Variants in RO60 observed in about 807,000 individuals in gnomAD.
The protein encoded by RO60 is Ro60, Y RNA binding protein.
In RO60, 20 loss-of-function variants were observed where a neutral mutation model predicts 55.3. The observed-to-expected ratio is 0.36, with a 90% confidence interval of 0.25 to 0.53. RO60 has a LOEUF of 0.53. RO60 is among the 20% of genes least tolerant of loss of function. RO60 has a pLI of 0.92. For synonymous variants in RO60, 213 were observed against 213.6 expected, an observed-to-expected ratio of 1.00 and a Z score of 0.02; for missense variants, 558 against 646.6, an observed-to-expected ratio of 0.86 and a Z score of 1.49.
At chr1:193,083,007 T>C (rs1442686547) in intron 8 of RO60, among the ~76,000 whole-genome samples, 1 of 152,132 alleles carries the variant, frequency 6.6e-6, no homozygotes, top group Admixed American at 6.6e-5. Context: ...TTCTCCAGCC[T>C]TGGCTTCCCA....
rs754456786 is a variant in RO60 at position 193,086,750 on chromosome 1, GA to G, written c.*2020del. On this transcript the variant is annotated 3_prime_UTR_variant, in exon 9 of 9. Transcript: ENST00000400968. ...TCCATCAAGGATACAAGATTGGATG[GA>G]TATGACCTTTCTGAAGTATTTAGGT... The G allele has an allele frequency of 6.6e-5, 10 of 152,060 alleles. No homozygotes were observed. The highest frequency in any genetic ancestry group is 1.3e-4 in the Admixed American group (2 of 15,260). 9.4% of individuals were successfully genotyped at this position (152,060 alleles called of 1,614,324 possible). A position where few individuals can be genotyped will look rare whatever the true frequency, so the allele number is the denominator to read the frequency against.
chr1:193,084,041 A>G (rs1674494674), intron 8 of RO60, among the ~76,000 whole-genome samples: 1 of 152,234 alleles, frequency 6.6e-6, no homozygotes, highest in Admixed American at 6.5e-5. Context: ...TTATTTAAAC[A>G]GTGCATTGTA....
intron 4 of RO60, 73 bp downstream of exon 4, chr1:193,076,720 C>T (rs1673946868): frequency 6.9e-7 from 1 of 1,443,412 alleles, no homozygotes; most frequent in Non-Finnish European, 9.4e-7. Flanking sequence ...GAAATGCCGT[C>T]AGTGCATTTT....
In RO60 at chr1:193,082,203, A is replaced by C. The variant is rs779259987; in HGVS notation, c.1221A>C (p.Glu407Asp). The change falls in exon 7 of 9, where the codon GAA (glutamate) becomes GAC (aspartate). Residue 407 changes from glutamate (E) to aspartate (D), a missense_variant. Coordinates refer to ENST00000400968, the MANE Select transcript of RO60 (RefSeq NM_001173524.2). ...TTTTTCAGGTTGTCACACGAACAGA[A>C]AAAGATTCTTATGTAGTTGCTTTTT... ...AAMCMVVTRT[E>D]KDSYVVAFSD... 6.2e-7 allele frequency: 1 copy of C among 1,612,716 alleles called. No homozygotes were observed. Among genetic ancestry groups the C allele is most frequent in the Admixed American group, 1.7e-5 (1 of 59,838 alleles).
chr1:193,080,075 G>A (rs966128580), intron 5 of RO60, among the ~76,000 whole-genome samples: 3 of 151,936 alleles, frequency 2.0e-5, no homozygotes, highest in Admixed American at 1.3e-4. Flanking sequence ...AGGTTACAGT[G>A]AGCTGAGATT....
rs772663581 is a variant in RO60, at chr1:193,082,208, A to T, written c.1226A>T (p.Asp409Val). ...CAGGTTGTCACACGAACAGAAAAAGATTCTTATGTAGTTGCTTTTTCCGAT... is the reference window on the plus strand; with the variant it reads ...CAGGTTGTCACACGAACAGAAAAAGTTTCTTATGTAGTTGCTTTTTCCGAT... ...MCMVVTRTEK[D>V]SYVVAFSDEM... Residue 409 changes from aspartate to valine, a missense_variant, in exon 7 of 9, where the codon GAT becomes GTT. Transcript: ENST00000400968. 1 of 1,612,552 alleles carries T rather than the reference A, an allele frequency of 6.2e-7. No individual in the cohort carries two copies. Among genetic ancestry groups the T allele is most frequent in the East Asian group, 2.2e-5 (1 of 44,756 alleles).
chr1:193,079,980 A>AT (rs1362561324), intron 5 of RO60, among the ~76,000 whole-genome samples: 3 of 150,848 alleles, frequency 2.0e-5, no homozygotes, highest in African/African-American at 7.3e-5. Flanking sequence ...AAAAAAAAAA[A>AT]ATTAGCTGAG....
At chr1:193,065,123 A>C (rs1258631742) in intron 1 of RO60, among the ~76,000 whole-genome samples, 1 of 152,332 alleles carries the variant, frequency 6.6e-6, no homozygotes, top group South Asian at 2.1e-4. Context: ...AAAATGTGTT[A>C]TGGGAAAGAG....
At chr1:193,084,346 CAAGTA>C (rs2103077781) in intron 8 of RO60, among the ~76,000 whole-genome samples, 1 of 152,240 alleles carries the variant, frequency 6.6e-6, no homozygotes, top group South Asian at 2.1e-4. Context: ...GCCCATAGAA[CAAGTA>C]AAGTAATTGA....
Position 193,059,858 on chromosome 1 carries a change from C to T in RO60, c.-22+82C>T. ...AAATTCTGACCAGTCCTCCATGTCT[C>T]TCACCCGCATCCCAGGGGTTGAGGC... On this transcript the variant is annotated intron_variant, in intron 1 of 8. Transcript: ENST00000400968. The surrounding 1 kb of genome is among the most constrained non-coding windows in gnomAD (Gnocchi z 4.9). The T allele has an allele frequency of 1.5e-6, 2 of 1,363,766 alleles. No homozygotes were observed. The highest frequency in any genetic ancestry group is 2.0e-6 in the Non-Finnish European group (2 of 1,020,682). 84.5% of individuals were successfully genotyped at this position (1,363,766 alleles called of 1,614,324 possible). A position where few individuals can be genotyped will look rare whatever the true frequency, so the allele number is the denominator to read the frequency against.
At chr1:193,072,744 G>T (rs182391679) in intron 2 of RO60, among the ~76,000 whole-genome samples, 1 of 152,118 alleles carries the variant, frequency 6.6e-6, no homozygotes, top group Non-Finnish European at 1.5e-5. Context: ...GAGAAAGACC[G>T]CCCATTACTA....
chr1:193,080,486 C>G (rs1327832212), intron 5 of RO60, among the ~76,000 whole-genome samples: 2 of 152,182 alleles, frequency 1.3e-5, no homozygotes, highest in African/African-American at 4.8e-5. Flanking sequence ...TAGCATTATT[C>G]ACAATAGCCA....
chr1:193,073,566 GTGTTTGTTTGTT>G (rs551668164), intron 2 of RO60, among the ~76,000 whole-genome samples: 4 of 151,934 alleles, frequency 2.6e-5, no homozygotes, highest in Non-Finnish European at 2.9e-5. Flanking sequence ...TTACATCACT[GTGTTTGTTTGTT>G]TGTTTGTTTG....
rs1674737200 is a variant in RO60 at position 193,088,843 on chromosome 1, ATTTGTTGGAAGATTAC to A, written c.*4116_*4131del. Reference sequence around the variant, plus strand: ...CTTGATGTCTGTTTCCTCATCTCTTATTTGTTGGAAGATTACTTTTCTACCTCTTTTTTTTCTTTTA... The same window carrying A: ...CTTGATGTCTGTTTCCTCATCTCTTATTTTCTACCTCTTTTTTTTCTTTTA... On this transcript the variant is annotated 3_prime_UTR_variant, in exon 9 of 9. Transcript: ENST00000400968. 6.6e-6 allele frequency: 1 copy of A among 152,048 alleles called. No individual in the cohort carries two copies. Among genetic ancestry groups the A allele is most frequent in the Admixed American group, 6.6e-5 (1 of 15,262 alleles). The allele number at this position is 152,048 out of a possible 1,614,324, so 9.4% of individuals were successfully genotyped here.
At position 193,086,798 on chromosome 1, in the gene RO60, G is replaced by GGT. The variant is rs1384137860; in HGVS notation, c.*2068_*2069dup. The stretch of plus-strand genomic sequence containing the variant: ...AGGTAGGTCTAATTAAATGGACTAG[G>GGT]GTAACATTTAAGAAAGAAAGGATAA... On this transcript the variant is annotated 3_prime_UTR_variant, in exon 9 of 9. Transcript: ENST00000400968. 6.6e-6 allele frequency: 1 copy of GGT among 151,998 alleles called. No homozygotes were observed. Among genetic ancestry groups the GGT allele is most frequent in the African/African-American group, 2.4e-5 (1 of 41,388 alleles). The allele number at this position is 151,998 out of a possible 1,614,324, so 9.4% of individuals were successfully genotyped here.
chr1:193,068,445 T>C (rs1183204656), intron 1 of RO60, among the ~76,000 whole-genome samples: 1 of 152,214 alleles, frequency 6.6e-6, no homozygotes. Flanking sequence ...TAGCCTCCTT[T>C]GAAGGATATG....
Position 193,059,941 on chromosome 1 carries a change from C to G in RO60, c.-22+165C>G. Reference sequence around the variant, plus strand: ...CGTCCCGCTTCCGCGCCTGTCCACCCTGGGTAACGGAACCAGCATCGCGGT... The same window carrying G: ...CGTCCCGCTTCCGCGCCTGTCCACCGTGGGTAACGGAACCAGCATCGCGGT... On this transcript the variant is annotated intron_variant, in intron 1 of 8. Transcript: ENST00000400968. This position sits in a 1 kb window ranked among gnomAD's most constrained non-coding sequence, Gnocchi z 4.9. 1 of 1,366,406 alleles carries G rather than the reference C, an allele frequency of 7.3e-7. No homozygotes were observed. The highest frequency in any genetic ancestry group is 1.1e-5 in the South Asian group (1 of 88,016). The allele number at this position is 1,366,406 out of a possible 1,614,324, so 84.6% of individuals were successfully genotyped here.
At position 193,075,825 on chromosome 1, in the gene RO60, G is replaced by A. The variant is rs1474111302; in HGVS notation, c.586G>A (p.Ala196Thr). 6.2e-7 allele frequency: 1 copy of A among 1,600,306 alleles called. No individual in the cohort carries two copies. The highest frequency in any genetic ancestry group is 1.8e-5 in the Admixed American group (1 of 56,914). The part of the protein sequence containing the change: ...SHLKPSSEGL[A>T]IVTKYITKGW... The stretch of plus-strand genomic sequence containing the variant: ...AATTCTTTATCTTGTTAAAGGACTT[G>A]CAATTGTGACCAAATATATTACAAA... The change falls in exon 3 of 9, where the codon GCA becomes ACA. Residue 196 changes from alanine to threonine, a missense_variant. Ala to Thr is a moderately conservative substitution (Grantham distance 58). Coordinates refer to ENST00000400968, the MANE Select transcript of RO60 (RefSeq NM_001173524.2).
chr1:193,073,719 A>G (rs1673680742), intron 2 of RO60, among the ~76,000 whole-genome samples: 3 of 152,162 alleles, frequency 2.0e-5, no homozygotes, highest in Non-Finnish European at 4.4e-5. Flanking sequence ...TATTACAGGC[A>G]TGTGCCACCA....
Sources: gnomAD v4.1 joint callset for allele counts (sites outside exome capture counted in the v4.1 genomes callset) on GRCh38, gnomAD v4.1.1 for gene constraint, Gnocchi (gnomAD v3.1) non-coding constraint, MANE v1.5 for transcripts, NCBI Gene and HGNC (gene_info 2026-07-23, HGNC 2026-07-21) for gene names.